Variants in MAST4 observed in about 807,000 individuals in gnomAD.
MAST4 encodes microtubule associated serine/threonine kinase family member 4.
A neutral mutation model predicts 162.7 loss-of-function variants in MAST4; 89 were observed. The observed-to-expected ratio is 0.55, with a 90% CI of 0.46 to 0.65. The LOEUF (loss-of-function observed/expected upper bound fraction) is 0.65. Among genes scored for constraint, MAST4 ranks in the 30% least tolerant of loss-of-function variants. The pLI, the probability that MAST4 is intolerant of heterozygous loss-of-function variation, is 0.00. For synonymous variants in MAST4, 1,479 were observed against 1,361.1 expected (o/e 1.09, Z -1.91); for missense variants, 3,153 against 3,374.0 (o/e 0.93, Z 1.62).
intron 4 of MAST4, among the ~76,000 whole-genome samples, chr5:66,997,127 G>A (rs1324982742): frequency 6.6e-6 from 1 of 151,734 alleles, no homozygotes; most frequent in African/African-American, 2.4e-5. Flanking sequence ...TATAAATATT[G>A]CATATTAAAT....
intron 2 of MAST4, among the ~76,000 whole-genome samples, chr5:66,772,848 A>G (rs1754420314): frequency 1.3e-5 from 2 of 152,218 alleles, no homozygotes; most frequent in Non-Finnish European, 2.9e-5. Flanking sequence ...TGAGTTGAGT[A>G]GTAAATAATT....
chr5:66,840,366 T>C (rs1412430937), intron 3 of MAST4, among the ~76,000 whole-genome samples: 1 of 152,200 alleles, frequency 6.6e-6, no homozygotes, highest in East Asian at 1.9e-4. Flanking sequence ...TGATTCAAGA[T>C]TGATTTGACT....
At chr5:67,106,469 C>A (rs943510331) in intron 10 of MAST4, among the ~76,000 whole-genome samples, 1 of 152,182 alleles carries the variant, frequency 6.6e-6, no homozygotes, top group Non-Finnish European at 1.5e-5. Flanking sequence ...TAGACTCCCT[C>A]TCTCCCTTCA....
chr5:67,127,491 T>C (rs943664053), intron 14 of MAST4, among the ~76,000 whole-genome samples: 2 of 152,220 alleles, frequency 1.3e-5, no homozygotes, highest in Non-Finnish European at 2.9e-5. Context: ...ATTGAGATAA[T>C]CATGTGGTTT....
intron 1 of MAST4, among the ~76,000 whole-genome samples, chr5:66,746,855 G>T (rs1752789530): frequency 6.6e-6 from 1 of 152,168 alleles, no homozygotes; most frequent in African/African-American, 2.4e-5. Context: ...TGTTCTCCCA[G>T]TGTCATTGTT....
chr5:66,606,120 T>A (rs1322477900), intron 1 of MAST4, among the ~76,000 whole-genome samples: 2 of 152,218 alleles, frequency 1.3e-5, no homozygotes, highest in Non-Finnish European at 2.9e-5. Context: ...CTTTTTTTCT[T>A]CTTCTCTATC....
intron 1 of MAST4, among the ~76,000 whole-genome samples, chr5:66,645,002 T>G (rs12652055): frequency 0.55 from 81,985 of 149,750 alleles, 22,647 homozygotes; most frequent in South Asian, 0.67. Flanking sequence ...GAGCTTCTTG[T>G]GGGGTGGGGG....
chr5:66,880,230 C>T (rs1761600756), intron 3 of MAST4, among the ~76,000 whole-genome samples: 1 of 152,116 alleles, frequency 6.6e-6, no homozygotes, highest in South Asian at 2.1e-4. Context: ...AGAGTATGTA[C>T]TCATTGGCTT....
At chr5:67,047,856 A>G (rs1757565736) in intron 4 of MAST4, among the ~76,000 whole-genome samples, 1 of 152,198 alleles carries the variant, frequency 6.6e-6, no homozygotes, top group Non-Finnish European at 1.5e-5. Context: ...GCTGCCTTCT[A>G]AGGAGGAATA....
In MAST4 at chr5:67,163,761, G is replaced by A. The variant is rs766998132; in HGVS notation, c.4582G>A (p.Asp1528Asn). 5 of 1,610,030 alleles carry A rather than the reference G, an allele frequency of 3.1e-6. No homozygotes were observed. Among genetic ancestry groups the A allele is most frequent in the Admixed American group, 1.7e-5 (1 of 59,328 alleles). ...CCGCCAGGAGTCTGTGGACGACCTGGACCGCGACAAGCTGAAGGCCAAGGT... is the reference window on the plus strand; with the variant it reads ...CCGCCAGGAGTCTGTGGACGACCTGAACCGCGACAAGCTGAAGGCCAAGGT... ...VGRQESVDDLDRDKLKAKVVV... is the reference protein window; with the variant it reads ...VGRQESVDDLNRDKLKAKVVV... The change falls in exon 29 of 29, where the codon GAC becomes AAC. Residue 1528 changes from aspartate to asparagine, a missense_variant. This residue lies in a region of MAST4 where 1,644 missense variants were observed against 1,495.0 expected (regional missense o/e 1.10). Coordinates refer to ENST00000403625, the MANE Select transcript of MAST4 (RefSeq NM_001164664.2). The surrounding 1 kb of genome is among the most constrained non-coding windows in gnomAD (Gnocchi z 7.0).
At chr5:67,148,139 C>T (rs915869630) in intron 23 of MAST4, among the ~76,000 whole-genome samples, 5 of 152,126 alleles carry the variant, frequency 3.3e-5, no homozygotes, top group Non-Finnish European at 7.3e-5. Context: ...GTCAGCACTT[C>T]GAAATGTGCT....
At chr5:67,121,448 C>CAT (rs1554101722) in intron 14 of MAST4, among the ~76,000 whole-genome samples, 7 of 150,272 alleles carry the variant, frequency 4.7e-5, no homozygotes, top group Non-Finnish European at 1.0e-4. Context: ...TAAATACTAT[C>CAT]ATATATAATC....
At chr5:66,903,679 G>A (rs549123817) in intron 4 of MAST4, among the ~76,000 whole-genome samples, 8 of 152,122 alleles carry the variant, frequency 5.3e-5, no homozygotes, top group South Asian at 2.1e-4. Flanking sequence ...CATTCATGAC[G>A]GTATATTATT....
intron 1 of MAST4, among the ~76,000 whole-genome samples, chr5:66,621,052 C>T (rs1341823543): frequency 2.0e-5 from 3 of 151,718 alleles, no homozygotes; most frequent in Non-Finnish European, 2.9e-5. Flanking sequence ...GCAGCAGTGT[C>T]TTGTTAAAGT....
In MAST4 at chr5:66,773,471, AAG is replaced by A. The variant is rs1488971261; in HGVS notation, c.517+13615_517+13616del. Among the ~76,000 whole-genome samples the A allele has an allele frequency of 9.2e-5, 14 of 152,356 alleles. No homozygotes were observed. The East Asian group carries it at 2.7e-3, about 29-fold the overall frequency. On this transcript the variant is annotated intron_variant, in intron 2 of 28. Coordinates refer to ENST00000403625, the MANE Select transcript of MAST4 (RefSeq NM_001164664.2). ...CATTTAACTCATTGCTGACTTGTGA[AAG>A]AGAGAATGATATTATTGAAATGTCT...
intron 4 of MAST4, among the ~76,000 whole-genome samples, chr5:67,028,304 C>T (rs984924482): frequency 6.6e-6 from 1 of 152,042 alleles, no homozygotes; most frequent in Admixed American, 6.6e-5. Flanking sequence ...TACAGAGACT[C>T]GAGTGAGAGT....
chr5:66,848,750 C>T (rs1759077729), intron 3 of MAST4, among the ~76,000 whole-genome samples: 2 of 152,044 alleles, frequency 1.3e-5, no homozygotes, highest in Admixed American at 6.6e-5. Context: ...AGTTTTCTTC[C>T]TCTTCTCTCC....
chr5:66,858,416 C>T (rs903448845), intron 3 of MAST4, among the ~76,000 whole-genome samples: 4 of 152,146 alleles, frequency 2.6e-5, no homozygotes, highest in Non-Finnish European at 4.4e-5. Flanking sequence ...GAGAGTGAAT[C>T]TGTGGTGTAT....
At chr5:66,673,604 G>A (rs1311040671) in intron 1 of MAST4, among the ~76,000 whole-genome samples, 1 of 144,280 alleles carries the variant, frequency 6.9e-6, no homozygotes, top group Non-Finnish European at 1.5e-5. Context: ...ACAGCTCACT[G>A]CAACTTCCAC....
Sources: allele counts gnomAD v4.1 joint callset (sites outside exome capture counted in the v4.1 genomes callset), GRCh38; gene constraint gnomAD v4.1.1; regional missense constraint gnomAD v4.1.1; non-coding constraint Gnocchi (gnomAD v3.1); transcripts MANE v1.5; gene names NCBI Gene and HGNC (gene_info 2026-07-23, HGNC 2026-07-21).